Variants in HHIPL1 observed in about 807,000 individuals in gnomAD.
HHIPL1 encodes HHIP-like protein 1.
A neutral mutation model predicts 61.8 loss-of-function variants in HHIPL1; 43 were observed. The ratio of observed to expected loss-of-function variants is 0.70; its 90% CI spans 0.55 to 0.90. The LOEUF is 0.90. Ranked by LOEUF, HHIPL1 falls within the 40% of genes least tolerant of loss-of-function variation. The pLI, the probability that HHIPL1 is intolerant of heterozygous loss-of-function variation, is 0.00. For missense variants in HHIPL1, 1,056 were observed against 1,157.7 expected (o/e 0.91, Z 1.28); for synonymous variants, 482 against 515.8 (o/e 0.93, Z 0.89).
intron 2 of HHIPL1, among the ~76,000 whole-genome samples, chr14:99,653,574 C>T (rs558002445): frequency 5.9e-5 from 9 of 152,330 alleles, no homozygotes; most frequent in African/African-American, 2.2e-4. Flanking sequence ...CTCAGGCAAT[C>T]TGCCCGCCTC....
At chr14:99,662,335 C>T (rs79809715) in intron 5 of HHIPL1, among the ~76,000 whole-genome samples, 237 of 152,212 alleles carry the variant, frequency 1.6e-3, no homozygotes, top group Non-Finnish European at 2.8e-3. Context: ...TGACAAGCAG[C>T]GATGGGAGTA....
At chr14:99,637,102 A>AGG in the HHIPL1 span, among the ~76,000 whole-genome samples, 88 of 130,920 alleles carry the variant, frequency 6.7e-4, 1 homozygote, top group South Asian at 3.4e-3. Context: ...GAAGGAAGGA[A>AGG]AAAAGAAAGA....
At chr14:99,674,247 C>T (rs56048935) in intron 8 of HHIPL1, among the ~76,000 whole-genome samples, 5,516 of 152,080 alleles carry the variant, frequency 0.036, 312 homozygotes, top group African/African-American at 0.13. Flanking sequence ...GGCTGTGACG[C>T]ATGGCAGTGC....
intron 1 of HHIPL1, among the ~76,000 whole-genome samples, chr14:99,649,228 G>C (rs958864790): frequency 1.3e-5 from 2 of 152,220 alleles, no homozygotes; most frequent in African/African-American, 4.8e-5. Flanking sequence ...CTCCCTGAGG[G>C]AACTTTTGCT....
the HHIPL1 span, among the ~76,000 whole-genome samples, chr14:99,615,873 T>C: frequency 6.6e-6 from 1 of 151,926 alleles, no homozygotes; most frequent in East Asian, 1.9e-4. Context: ...TTGGTAGGAG[T>C]GCTTGGCTGT....
chr14:99,668,379 C>A lies in HHIPL1; in HGVS notation c.1730+76C>A. On this transcript the variant is annotated intron_variant, in intron 7 of 8. Coordinates refer to ENST00000330710, the MANE Select transcript of HHIPL1 (RefSeq NM_001127258.3). The surrounding 1 kb of genome is among the most constrained non-coding windows in gnomAD (Gnocchi z 4.7). ...TAGCTCCACGGGCTTGTCCCCTCCG[C>A]CTCGCCCTCAGGTGGGTGGTATTAA... The A allele has an allele frequency of 2.3e-6, 2 of 887,422 alleles. No homozygotes were observed. Among genetic ancestry groups the A allele is most frequent in the Non-Finnish European group, 3.8e-6 (2 of 523,662 alleles). 55.0% of individuals were successfully genotyped at this position (887,422 alleles called of 1,614,324 possible). A position where few individuals can be genotyped will look rare whatever the true frequency, so the allele number is the denominator to read the frequency against.
At chr14:99,646,792 AATATGATATGATATGATATGATATG>A (rs66953128) in intron 1 of HHIPL1, among the ~76,000 whole-genome samples, 5 of 130,930 alleles carry the variant, frequency 3.8e-5, no homozygotes, top group African/African-American at 1.2e-4. Context: ...AATATAATAT[AATATGATATGATATGATATGATATG>A]ATATGATATG....
At chr14:99,614,029 A>G in the HHIPL1 span, among the ~76,000 whole-genome samples, 1 of 152,204 alleles carries the variant, frequency 6.6e-6, no homozygotes, top group Non-Finnish European at 1.5e-5. Flanking sequence ...AAAACCCTGG[A>G]TGTAAAATCT....
chr14:99,675,144 CGGGCGCCCCGCCGA>C lies in HHIPL1; in HGVS notation c.1877_1890del (p.Arg626HisfsTer187). 2.7e-6 allele frequency: 3 copies of C among 1,109,070 alleles called. No individual in the cohort carries two copies. Among genetic ancestry groups the C allele is most frequent in the Non-Finnish European group, 3.3e-6 (3 of 902,414 alleles). 68.7% of individuals were successfully genotyped at this position (1,109,070 alleles called of 1,614,324 possible). A position where few individuals can be genotyped will look rare whatever the true frequency, so the allele number is the denominator to read the frequency against. On this transcript the variant is annotated frameshift_variant, in exon 9 of 9. Transcript: ENST00000330710. LOFTEE classifies it low-confidence loss of function (END_TRUNC). The surrounding 1 kb of genome is among the most constrained non-coding windows in gnomAD (Gnocchi z 5.4). Reference sequence around the variant, plus strand: ...GCGGCCTACAGCGCGGGCGCCCACGCGGGCGCCCCGCCGAGGGCGCCCCACGGCCGCTCCCCCCG... The same window carrying C: ...GCGGCCTACAGCGCGGGCGCCCACGCGGGCGCCCCACGGCCGCTCCCCCCG...
rs1223601717 is a variant in HHIPL1 at position 99,652,589 on chromosome 14, C to T, written c.621C>T (p.His207=). 2 of 1,613,078 alleles carry T rather than the reference C, an allele frequency of 1.2e-6. No homozygotes were observed. Among genetic ancestry groups the T allele is most frequent in the Non-Finnish European group, 1.7e-6 (2 of 1,179,846 alleles). ...TGGTCCATGCCAGGGATGGCACCCACCGCTTCTTCGTGGCCGAGCAGGTGG... is the reference window on the plus strand; with the variant it reads ...TGGTCCATGCCAGGGATGGCACCCATCGCTTCTTCGTGGCCGAGCAGGTGG... The part of the protein sequence containing the change: ...VAMVHARDGT[H]RFFVAEQVGL... Residue 207 remains histidine (H), a synonymous_variant, in exon 2 of 9, where the codon CAC becomes CAT. Coordinates refer to ENST00000330710, the MANE Select transcript of HHIPL1 (RefSeq NM_001127258.3).
the HHIPL1 span, among the ~76,000 whole-genome samples, chr14:99,639,598 C>T: frequency 1.3e-5 from 2 of 152,140 alleles, no homozygotes; most frequent in African/African-American, 4.8e-5. Flanking sequence ...CTGCCTGCCT[C>T]AGCCTCCCAA....
the HHIPL1 span, among the ~76,000 whole-genome samples, chr14:99,605,414 G>GT: frequency 6.7e-6 from 1 of 149,122 alleles, no homozygotes; most frequent in African/African-American, 2.5e-5. Flanking sequence ...CCCGGAACCT[G>GT]CAACGAGATC....
At chr14:99,667,213 C>G (rs2056260016) in intron 6 of HHIPL1, among the ~76,000 whole-genome samples, 1 of 152,180 alleles carries the variant, frequency 6.6e-6, no homozygotes, top group East Asian at 1.9e-4. Context: ...CACCATGCAT[C>G]CAATATTGGT....
intron 3 of HHIPL1, among the ~76,000 whole-genome samples, 169 bp from the exon 4 acceptor site, chr14:99,659,259 G>T (rs926777569): frequency 6.6e-6 from 1 of 152,216 alleles, no homozygotes; most frequent in Non-Finnish European, 1.5e-5. Context: ...TGGTTACCCG[G>T]CTGTAAGTAG....
intron 3 of HHIPL1, among the ~76,000 whole-genome samples, chr14:99,658,970 T>C (rs186810837): frequency 2.0e-3 from 302 of 152,278 alleles, no homozygotes; most frequent in Middle Eastern, 6.8e-3. Context: ...CACTCTACTA[T>C]TACAGTTGAG....
the HHIPL1 span, among the ~76,000 whole-genome samples, chr14:99,611,517 C>T: frequency 1.3e-5 from 2 of 151,880 alleles, no homozygotes; most frequent in East Asian, 1.9e-4. Context: ...AACTCCTGAC[C>T]TCAGGTGATC....
chr14:99,634,393 G>A, the HHIPL1 span, among the ~76,000 whole-genome samples: 1,829 of 152,304 alleles, frequency 0.012, 35 homozygotes, highest in African/African-American at 0.042. Flanking sequence ...GTGTTCACAG[G>A]TGTGCTGGGG....
At chr14:99,632,548 G>T in the HHIPL1 span, among the ~76,000 whole-genome samples, 1 of 152,138 alleles carries the variant, frequency 6.6e-6, no homozygotes, top group Non-Finnish European at 1.5e-5. Flanking sequence ...AAGTGGTTCT[G>T]AGTAGCCAAG....
intron 7 of HHIPL1, among the ~76,000 whole-genome samples, chr14:99,671,676 A>C (rs1029422153): frequency 9.9e-5 from 15 of 152,202 alleles, no homozygotes; most frequent in African/African-American, 3.4e-4. Flanking sequence ...AAAATGTCAA[A>C]GGAGACCCAA....
Sources: gnomAD v4.1 joint callset for allele counts (sites outside exome capture counted in the v4.1 genomes callset) on GRCh38, gnomAD v4.1.1 for gene constraint, Gnocchi (gnomAD v3.1) non-coding constraint, MANE v1.5 for transcripts, NCBI Gene and HGNC (gene_info 2026-07-23, HGNC 2026-07-21) for gene names.